The following FBXL5 variants were observed in gnomAD, a reference collection of about 807,000 sequenced individuals.
FBXL5 encodes F-box and leucine rich repeat protein 5, also known as F-box/LRR-repeat protein 5.
FBXL5 carries 26 observed loss-of-function variants against 78.3 expected under a neutral mutation model. The observed-to-expected ratio is 0.33, with a 90% CI of 0.24 to 0.46. The LOEUF (loss-of-function observed/expected upper bound fraction) is 0.46. FBXL5 is among the 20% of genes least tolerant of loss of function. The probability of loss-of-function intolerance (pLI) is 1.00; values close to 1 mark genes in which losing one functional copy is unlikely to be tolerated. For missense variants in FBXL5, 710 were observed against 829.2 expected (o/e 0.86, Z 1.77); for synonymous variants, 295 against 282.5 (o/e 1.04, Z -0.45).
upstream of FBXL5, chr4:15,655,427 G>T: frequency 1.0e-6 from 1 of 991,792 alleles, no homozygotes; most frequent in South Asian, 4.7e-5. Flanking sequence ...TTGGCCGGCG[G>T]GGACGCGGGG....
intron 9 of FBXL5, among the ~76,000 whole-genome samples, chr4:15,618,735 G>T (rs963025403): frequency 6.6e-6 from 1 of 152,122 alleles, no homozygotes. Flanking sequence ...CCAGCTACTT[G>T]GGAGGGTGAG....
intron 1 of FBXL5, among the ~76,000 whole-genome samples, chr4:15,678,452 T>C (rs1718072444): frequency 6.6e-6 from 1 of 152,176 alleles, no homozygotes; most frequent in Admixed American, 6.5e-5. Context: ...TTTCCCCAAG[T>C]GAAGGCTTTA....
intron 3 of FBXL5, among the ~76,000 whole-genome samples, chr4:15,640,383 C>T (rs1714722237): frequency 2.0e-5 from 2 of 99,588 alleles, no homozygotes; most frequent in South Asian, 6.9e-4. Flanking sequence ...AAATACTAAA[C>T]TACACTACTG....
At chr4:15,668,384 A>G (rs984149921) in intron 1 of FBXL5, among the ~76,000 whole-genome samples, 3 of 152,134 alleles carry the variant, frequency 2.0e-5, no homozygotes, top group Non-Finnish European at 4.4e-5. Flanking sequence ...TCTGGGATGT[A>G]AAATAAGTGA....
intron 10 of FBXL5, among the ~76,000 whole-genome samples, chr4:15,606,707 ACAAC>A (rs1350020433): frequency 6.6e-6 from 1 of 152,226 alleles, no homozygotes; most frequent in East Asian, 1.9e-4. Context: ...ATCAACAAGA[ACAAC>A]CAAAATACTT....
chr4:15,660,860 T>C (rs1349022241), upstream of FBXL5, among the ~76,000 whole-genome samples: 1 of 152,072 alleles, frequency 6.6e-6, no homozygotes, highest in African/African-American at 2.4e-5. Flanking sequence ...GCGGATCACT[T>C]CAGGTCAGGA....
At chr4:15,647,483 G>A (rs1345626838) in intron 1 of FBXL5, among the ~76,000 whole-genome samples, 1 of 152,092 alleles carries the variant, frequency 6.6e-6, no homozygotes, top group East Asian at 1.9e-4. Flanking sequence ...AAAATAGGAG[G>A]ATACCAAGGG....
upstream of FBXL5, among the ~76,000 whole-genome samples, chr4:15,658,794 C>G (rs540785467): frequency 1.3e-5 from 2 of 152,296 alleles, no homozygotes; most frequent in East Asian, 3.9e-4. Context: ...TCTACTTTCT[C>G]GATAGCCACA....
intron 8 of FBXL5, among the ~76,000 whole-genome samples, chr4:15,626,635 G>C (rs1235727760): frequency 1.3e-5 from 2 of 152,184 alleles, no homozygotes; most frequent in Non-Finnish European, 2.9e-5. Flanking sequence ...GCACAGCAGG[G>C]CTCAAGGGCC....
At chr4:15,642,278 T>C (rs535490450) in intron 2 of FBXL5, among the ~76,000 whole-genome samples, 1 of 152,068 alleles carries the variant, frequency 6.6e-6, no homozygotes, top group Admixed American at 6.5e-5. Flanking sequence ...CCTTGCTCTG[T>C]TGCCCAGGCT....
intron 1 of FBXL5, among the ~76,000 whole-genome samples, chr4:15,678,149 T>C (rs894348800): frequency 6.6e-6 from 1 of 152,206 alleles, no homozygotes; most frequent in Non-Finnish European, 1.5e-5. Flanking sequence ...CAAAAAACTA[T>C]GAAGTTGCAC....
chr4:15,624,322 T>A (rs1712790268), intron 9 of FBXL5, among the ~76,000 whole-genome samples: 1 of 152,154 alleles, frequency 6.6e-6, no homozygotes, highest in South Asian at 2.1e-4. Flanking sequence ...GTATCATTGT[T>A]AGATGCCTTA....
upstream of FBXL5, chr4:15,656,116 G>A (rs1401608606): frequency 2.6e-5 from 12 of 453,078 alleles, no homozygotes; most frequent in Non-Finnish European, 4.0e-5. Context: ...TAGGCCCGAC[G>A]GGCCTTGGGG....
At chr4:15,618,118 C>T (rs1367212901) in intron 9 of FBXL5, among the ~76,000 whole-genome samples, 1 of 152,120 alleles carries the variant, frequency 6.6e-6, no homozygotes, top group Non-Finnish European at 1.5e-5. Context: ...GAAGTTTGTT[C>T]TCTGAGAATT....
intron 1 of FBXL5, among the ~76,000 whole-genome samples, chr4:15,645,450 C>A (rs565482436): frequency 6.6e-6 from 1 of 151,592 alleles, no homozygotes; most frequent in African/African-American, 2.4e-5. Context: ...TTTTTTGAGA[C>A]AGAGTCTTGC....
At chr4:15,620,041 C>T (rs1398711710) in intron 9 of FBXL5, among the ~76,000 whole-genome samples, 1 of 152,032 alleles carries the variant, frequency 6.6e-6, no homozygotes, top group African/African-American at 2.4e-5. Context: ...TGCACTCCAG[C>T]TTGGACAACA....
At chr4:15,630,114 C>T (rs947053328) in intron 6 of FBXL5, among the ~76,000 whole-genome samples, 4 of 152,096 alleles carry the variant, frequency 2.6e-5, no homozygotes, top group Non-Finnish European at 5.9e-5. Flanking sequence ...TTTGGAGTAG[C>T]GATGAAGTCT....
rs1714793905 is a variant in FBXL5, at chr4:15,640,893, A to C, written c.301-10T>G. The C allele has an allele frequency of 5.5e-6, 5 of 914,148 alleles. No homozygotes were observed. The highest frequency in any genetic ancestry group is 3.3e-5 in the Admixed American group (1 of 30,396). 56.6% of individuals were successfully genotyped at this position (914,148 alleles called of 1,614,324 possible). On this transcript the variant is annotated splice_polypyrimidine_tract_variant and intron_variant, in intron 2 of 10. Transcript: ENST00000341285. ...ACTGTTCATATTCATTCTGGAAACC[A>C]AAAAAAAAATACATTTTTATAAAAG... is the stretch of plus-strand genomic sequence containing the variant.
intron 5 of FBXL5, among the ~76,000 whole-genome samples, chr4:15,634,773 T>C (rs1714073526): frequency 6.6e-6 from 1 of 152,130 alleles, no homozygotes; most frequent in Non-Finnish European, 1.5e-5. Context: ...ATATTTGAGA[T>C]TTAGGTGAAT....
Sources: gnomAD v4.1 joint callset for allele counts (sites outside exome capture counted in the v4.1 genomes callset) on GRCh38, gnomAD v4.1.1 for gene constraint, MANE v1.5 for transcripts, NCBI Gene and HGNC (gene_info 2026-07-23, HGNC 2026-07-21) for gene names.